The following SRGAP3 variants were observed in gnomAD, a reference collection of about 807,000 sequenced individuals.
SRGAP3 encodes the protein SLIT-ROBO Rho GTPase activating protein 3.
SRGAP3 carries 39 observed loss-of-function variants against 121.1 expected under a neutral mutation model. The ratio of observed to expected loss-of-function variants is 0.32; its 90% CI spans 0.25 to 0.42. The LOEUF (loss-of-function observed/expected upper bound fraction) is 0.42. Among genes scored for constraint, SRGAP3 ranks in the 10% least tolerant of loss-of-function variants. The probability of loss-of-function intolerance (pLI) is 1.00; values close to 1 mark genes in which losing one functional copy is unlikely to be tolerated. For missense variants in SRGAP3, 1,213 were observed against 1,470.6 expected (o/e 0.82, Z 2.86); for synonymous variants, 601 against 570.0 (o/e 1.05, Z -0.77).
rs954437872 is a variant in SRGAP3 at position 8,980,620 on chromosome 3, C to T, written c.*4899G>A. 3 of 228,222 alleles carry T rather than the reference C, an allele frequency of 1.3e-5. No individual in the cohort carries two copies. The highest frequency in any genetic ancestry group is 1.7e-5 in the Non-Finnish European group (2 of 114,726). 14.1% of individuals were successfully genotyped at this position (228,222 alleles called of 1,614,324 possible). The stretch of plus-strand genomic sequence containing the variant: ...AGAAAAGTTAAGCTGTTTTATTTCA[C>T]AGGATAGCTCCACGTCAAACCAGCA... On this transcript the variant is annotated 3_prime_UTR_variant, in exon 22 of 22. Transcript: ENST00000383836.
At position 9,051,847 on chromosome 3, in the gene SRGAP3, G is replaced by A. The variant is rs539666827; in HGVS notation, c.1323+1180C>T. 1.2e-4 allele frequency among the ~76,000 whole-genome samples: 18 copies of A among 151,820 alleles called. No homozygotes were observed. In the South Asian group the frequency reaches 3.5e-3, roughly 30 times the overall value. ...CCTGCCTCAGCCTCCCAAGTAGCTG[G>A]GACTACAGGTGCACGCCACCACACC... On this transcript the variant is annotated intron_variant, in intron 9 of 21. Transcript: ENST00000383836.
intron 1 of SRGAP3, among the ~76,000 whole-genome samples, chr3:9,177,341 T>C (rs1487733351): frequency 6.6e-6 from 1 of 152,136 alleles, no homozygotes; most frequent in South Asian, 2.1e-4. Context: ...AATTTGACCA[T>C]ATGTAAAGGA....
At chr3:9,202,151 T>C (rs1178400740) in intron 1 of SRGAP3, among the ~76,000 whole-genome samples, 2 of 152,192 alleles carry the variant, frequency 1.3e-5, no homozygotes, top group African/African-American at 2.4e-5. Flanking sequence ...TTTGCTGCCT[T>C]TGATGCTTTT....
chr3:9,291,874 G>A lies in SRGAP3; in HGVS notation n.442+34136C>T, dbSNP rs148352521. Among the ~76,000 whole-genome samples the A allele has an allele frequency of 3.4e-4, 52 of 152,236 alleles. No individual in the cohort carries two copies. The East Asian group carries it at 9.8e-3, about 29-fold the overall frequency. Reference sequence around the variant, plus strand: ...ACTGTAAAAATAAATGTAAGACAGAGTGAGCCAAATTATCACACTCAACTT... The same window carrying A: ...ACTGTAAAAATAAATGTAAGACAGAATGAGCCAAATTATCACACTCAACTT... On this transcript the variant is annotated intron_variant and non_coding_transcript_variant, in intron 3 of 3. Coordinates refer to the SRGAP3 transcript ENST00000490889.
At chr3:9,258,057 A>G (rs1422492123) in intron 3 of SRGAP3, among the ~76,000 whole-genome samples, 4 of 152,160 alleles carry the variant, frequency 2.6e-5, no homozygotes, top group African/African-American at 9.7e-5. Context: ...GATATGCACA[A>G]TCATGAACTG....
chr3:9,028,075 G>A (rs200463829), intron 12 of SRGAP3: 12 of 1,614,040 alleles, frequency 7.4e-6, no homozygotes, highest in Middle Eastern at 1.7e-4. Context: ...GGTGAATGGG[G>A]CTAATGGGCC....
chr3:9,118,009 G>A lies in SRGAP3; in HGVS notation c.260+6716C>T, dbSNP rs150706330. 9.4e-4 allele frequency among the ~76,000 whole-genome samples: 143 copies of A among 151,986 alleles called. 1 individual carries two copies. Among genetic ancestry groups the A allele is most frequent in the African/African-American group, 3.1e-3 (130 of 41,438 alleles). On this transcript the variant is annotated intron_variant, in intron 2 of 21. Transcript: ENST00000383836. ...ATTTCAGATGTGGTGGCATGTACCTGTAGTCCCGGTTACTTGGGAGGCTGA... is the reference window on the plus strand; with the variant it reads ...ATTTCAGATGTGGTGGCATGTACCTATAGTCCCGGTTACTTGGGAGGCTGA...
intron 3 of SRGAP3, among the ~76,000 whole-genome samples, chr3:9,275,600 T>C (rs1177884162): frequency 6.6e-6 from 1 of 152,170 alleles, no homozygotes; most frequent in Non-Finnish European, 1.5e-5. Flanking sequence ...CATACTGTCC[T>C]CCTGGTAGTA....
At chr3:9,356,517 C>T (rs535636840) in intron 1 of SRGAP3, among the ~76,000 whole-genome samples, 11 of 151,656 alleles carry the variant, frequency 7.3e-5, no homozygotes, top group Non-Finnish European at 1.3e-4. Context: ...GGACTACAGG[C>T]GCCCGCCACC....
intron 6 of SRGAP3, chr3:9,058,783 G>A (rs947477916): frequency 6.1e-6 from 2 of 325,332 alleles, no homozygotes; most frequent in Non-Finnish European, 1.1e-5. Flanking sequence ...GCAGTGGCAC[G>A]ATCTCGGCTC....
At chr3:9,144,643 TCCTCATTTTCTCTTG>T (rs1334326091) in intron 1 of SRGAP3, among the ~76,000 whole-genome samples, 1 of 152,198 alleles carries the variant, frequency 6.6e-6, no homozygotes, top group Non-Finnish European at 1.5e-5. Context: ...TTTTGCTTCT[TCCTCATTTTCTCTTG>T]CCGCCACCAT....
At chr3:9,243,409 C>T (rs1011282274) in intron 1 of SRGAP3, among the ~76,000 whole-genome samples, 1 of 151,800 alleles carries the variant, frequency 6.6e-6, no homozygotes, top group African/African-American at 2.4e-5. Context: ...CCGAGGCAGG[C>T]GGATCACTTG....
chr3:9,121,796 G>A (rs546443925), intron 2 of SRGAP3, among the ~76,000 whole-genome samples: 180 of 152,310 alleles, frequency 1.2e-3, no homozygotes, highest in African/African-American at 4.0e-3. Flanking sequence ...GGGAAGGAGC[G>A]GACAGGAGAG....
At chr3:9,314,770 G>A (rs1295067407) in intron 3 of SRGAP3, among the ~76,000 whole-genome samples, 1 of 151,272 alleles carries the variant, frequency 6.6e-6, no homozygotes, top group Admixed American at 6.6e-5. Flanking sequence ...GGAAAGTAAG[G>A]CTGTAGGTAG....
At chr3:9,158,844 C>G (rs1248997294) in intron 1 of SRGAP3, among the ~76,000 whole-genome samples, 1 of 152,192 alleles carries the variant, frequency 6.6e-6, no homozygotes, top group Non-Finnish European at 1.5e-5. Flanking sequence ...TGACCCACAA[C>G]TCAGGCATGG....
chr3:9,262,297 T>C (rs1020859937), intron 3 of SRGAP3, among the ~76,000 whole-genome samples: 8 of 152,006 alleles, frequency 5.3e-5, no homozygotes, highest in African/African-American at 1.7e-4. Context: ...AGAAACTGCA[T>C]CAACTAATAC....
At chr3:9,210,866 G>A (rs1952423361) in intron 1 of SRGAP3, among the ~76,000 whole-genome samples, 1 of 152,068 alleles carries the variant, frequency 6.6e-6, no homozygotes, top group Non-Finnish European at 1.5e-5. Flanking sequence ...ACATGCAAAG[G>A]TGTCCAGGAT....
chr3:9,160,209 C>T (rs1950560747), intron 1 of SRGAP3, among the ~76,000 whole-genome samples: 1 of 152,172 alleles, frequency 6.6e-6, no homozygotes, highest in African/African-American at 2.4e-5. Flanking sequence ...TATAATACTA[C>T]CATAAATTCT....
At chr3:9,350,804 G>A (rs1452777052) in intron 1 of SRGAP3, among the ~76,000 whole-genome samples, 1 of 152,182 alleles carries the variant, frequency 6.6e-6, no homozygotes, top group Non-Finnish European at 1.5e-5. Flanking sequence ...CTAGCTGGCT[G>A]AATTTCTCAC....
Sources: allele counts gnomAD v4.1 joint callset (sites outside exome capture counted in the v4.1 genomes callset), GRCh38; gene constraint gnomAD v4.1.1; transcripts MANE v1.5; gene names NCBI Gene and HGNC (gene_info 2026-07-23, HGNC 2026-07-21).